Variants in DPP10 observed in about 807,000 individuals in gnomAD.
DPP10 encodes dipeptidyl peptidase like 10, also known as inactive dipeptidyl peptidase 10.
A neutral mutation model predicts 120.9 loss-of-function variants in DPP10; 33 were observed. That is an observed-to-expected ratio of 0.27 (90% CI 0.21 to 0.37). DPP10 has a LOEUF of 0.37. DPP10 is among the 10% of genes least tolerant of loss of function. The probability of loss-of-function intolerance (pLI) is 1.00; values close to 1 mark genes in which losing one functional copy is unlikely to be tolerated. For missense variants in DPP10, 816 were observed against 942.8 expected (o/e 0.87, Z 1.76); for synonymous variants, 337 against 326.1 (o/e 1.03, Z -0.36).
intron 1 of DPP10, among the ~76,000 whole-genome samples, chr2:114,568,931 T>C (rs964960378): frequency 6.6e-6 from 1 of 152,230 alleles, no homozygotes; most frequent in Non-Finnish European, 1.5e-5. Flanking sequence ...TATTATTTAA[T>C]ACATAAATAG....
intron 1 of DPP10, among the ~76,000 whole-genome samples, chr2:114,612,024 G>T (rs1410020975): frequency 6.6e-6 from 1 of 152,116 alleles, no homozygotes; most frequent in Admixed American, 6.5e-5. Context: ...TACTCATTCT[G>T]TTTCTCTGAA....
At chr2:115,425,106 A>G (rs909286137) in intron 3 of DPP10, among the ~76,000 whole-genome samples, 93 of 152,178 alleles carry the variant, frequency 6.1e-4, no homozygotes, top group Non-Finnish European at 1.9e-4. Flanking sequence ...GCAGAGATGA[A>G]TGAGGGGCTC....
At chr2:114,483,124 A>G (rs1345308469) in intron 1 of DPP10, among the ~76,000 whole-genome samples, 1 of 152,184 alleles carries the variant, frequency 6.6e-6, no homozygotes, top group Non-Finnish European at 1.5e-5. Flanking sequence ...TCTTAACAGA[A>G]TTGGTTGAAT....
chr2:115,833,305 G>A (rs1397128413), intron 21 of DPP10, among the ~76,000 whole-genome samples: 1 of 152,052 alleles, frequency 6.6e-6, no homozygotes, highest in East Asian at 1.9e-4. Flanking sequence ...TGGCCATCAT[G>A]GTATTGTTAA....
At chr2:114,655,132 C>T (rs558127274) in intron 1 of DPP10, among the ~76,000 whole-genome samples, 1 of 152,276 alleles carries the variant, frequency 6.6e-6, no homozygotes, top group South Asian at 2.1e-4. Flanking sequence ...ATAACAACGA[C>T]ACAGCATAAT....
chr2:115,753,154 T>C lies in DPP10; in HGVS notation c.951-20T>C. ...ATGCTCTGGCTCTAAACATACATTTTAATTTTGTTTCCAAACTAGAGAATA... is the reference window on the plus strand; with the variant it reads ...ATGCTCTGGCTCTAAACATACATTTCAATTTTGTTTCCAAACTAGAGAATA... On this transcript the variant is annotated intron_variant, in intron 10 of 25. Transcript: ENST00000410059. 6.2e-7 allele frequency: 1 copy of C among 1,605,150 alleles called. No homozygotes were observed. Among genetic ancestry groups the C allele is most frequent in the East Asian group, 2.2e-5 (1 of 44,452 alleles).
At chr2:115,093,770 T>C (rs1450072506) in intron 1 of DPP10, among the ~76,000 whole-genome samples, 3 of 152,050 alleles carry the variant, frequency 2.0e-5, no homozygotes, top group Non-Finnish European at 2.9e-5. Flanking sequence ...TTTAGGAAAA[T>C]AGATAAAATG....
At chr2:114,476,934 T>C (rs548397102) in intron 1 of DPP10, among the ~76,000 whole-genome samples, 16 of 152,204 alleles carry the variant, frequency 1.1e-4, no homozygotes, top group Admixed American at 7.8e-4. Context: ...CATAGATTAG[T>C]TTGCCCTTAA....
chr2:115,767,562 CATAAAT>C (rs1680937665), intron 12 of DPP10, among the ~76,000 whole-genome samples: 1 of 150,928 alleles, frequency 6.6e-6, no homozygotes, highest in African/African-American at 2.4e-5. Context: ...TATACACACA[CATAAAT>C]ATATAGTGTG....
intron 5 of DPP10, among the ~76,000 whole-genome samples, chr2:115,572,504 T>C (rs2081393943): frequency 6.6e-6 from 1 of 152,206 alleles, no homozygotes; most frequent in African/African-American, 2.4e-5. Context: ...TAAACACAGA[T>C]ATGCTATATG....
chr2:115,177,918 C>G (rs538513288), intron 1 of DPP10, among the ~76,000 whole-genome samples: 2 of 152,196 alleles, frequency 1.3e-5, no homozygotes, highest in Non-Finnish European at 2.9e-5. Context: ...TGCCCGCCAC[C>G]ACGCCCGGCT....
chr2:114,880,116 A>C (rs1178799569), intron 1 of DPP10, among the ~76,000 whole-genome samples: 1 of 152,202 alleles, frequency 6.6e-6, no homozygotes, highest in Non-Finnish European at 1.5e-5. Flanking sequence ...TAAGGGAAAT[A>C]ATTGAGGCTG....
At chr2:115,519,220 T>A (rs999864828) in intron 4 of DPP10, among the ~76,000 whole-genome samples, 9 of 152,178 alleles carry the variant, frequency 5.9e-5, no homozygotes, top group Admixed American at 3.9e-4. Context: ...TTTTAGTGTA[T>A]GGCCTATGAT....
At chr2:115,133,680 C>T (rs2050501087) in intron 1 of DPP10, among the ~76,000 whole-genome samples, 1 of 152,096 alleles carries the variant, frequency 6.6e-6, no homozygotes, top group Admixed American at 6.6e-5. Flanking sequence ...GGAAGTAAAG[C>T]TTTGCCTGCT....
Position 114,789,064 on chromosome 2 carries a change from A to G in DPP10, c.60+346226A>G, listed in dbSNP as rs79003473. 4.4e-3 allele frequency among the ~76,000 whole-genome samples: 668 copies of G among 152,322 alleles called. 7 individuals are homozygous for G. The highest frequency in any genetic ancestry group is 0.016 in the African/African-American group (645 of 41,578). On this transcript the variant is annotated intron_variant, in intron 1 of 25. Transcript: ENST00000410059. ...GAGATTTGCTAAAAGCCAGCCCACA[A>G]GATGAACTTCACCAGGCTCTTGTCT...
chr2:114,799,244 T>C (rs1462487833), intron 1 of DPP10, among the ~76,000 whole-genome samples: 1 of 152,200 alleles, frequency 6.6e-6, no homozygotes, highest in Non-Finnish European at 1.5e-5. Flanking sequence ...AAAGTTCAAT[T>C]TGTGTCTCAA....
intron 3 of DPP10, among the ~76,000 whole-genome samples, chr2:115,484,677 G>C (rs2075657574): frequency 6.6e-6 from 1 of 152,072 alleles, no homozygotes; most frequent in African/African-American, 2.4e-5. Flanking sequence ...AGAAAACTAT[G>C]GTAAGATATT....
chr2:114,609,562 C>G (rs1016322844), intron 1 of DPP10, among the ~76,000 whole-genome samples: 1 of 152,136 alleles, frequency 6.6e-6, no homozygotes, highest in African/African-American at 2.4e-5. Flanking sequence ...AAAGTGATAC[C>G]TAGTCCATTA....
chr2:115,257,934 A>G (rs1055698495), intron 1 of DPP10, among the ~76,000 whole-genome samples: 1 of 152,218 alleles, frequency 6.6e-6, no homozygotes, highest in African/African-American at 2.4e-5. Context: ...AGAAGGATTC[A>G]AACTGTGGAA....
Sources: gnomAD v4.1 joint callset for allele counts (sites outside exome capture counted in the v4.1 genomes callset) on GRCh38, gnomAD v4.1.1 for gene constraint, MANE v1.5 for transcripts, NCBI Gene and HGNC (gene_info 2026-07-23, HGNC 2026-07-21) for gene names.